Variants in RIGI observed in about 807,000 individuals in gnomAD.
The protein encoded by RIGI is antiviral innate immune response receptor RIG-I.
the RIGI span, chr9:32,492,392 T>A: frequency 6.2e-7 from 1 of 1,614,108 alleles, no homozygotes. Flanking sequence ...GTGTCTTACC[T>A]TTCTCTACAA....
At chr9:32,477,991 A>C in the RIGI span, among the ~76,000 whole-genome samples, 1 of 152,138 alleles carries the variant, frequency 6.6e-6, no homozygotes, top group Non-Finnish European at 1.5e-5. Flanking sequence ...GCCAGATCAT[A>C]CCGGACTATG....
At chr9:32,488,326 T>A in the RIGI span, 1 of 1,049,826 alleles carries the variant, frequency 9.5e-7, no homozygotes. Context: ...AGAATAGCTG[T>A]AGGCAAGTCC....
the RIGI span, chr9:32,467,800 T>G: frequency 2.4e-5 from 39 of 1,605,382 alleles, no homozygotes; most frequent in Non-Finnish European, 3.2e-5. Flanking sequence ...GCCCACATAC[T>G]CATAAAGGAT....
At chr9:32,499,216 T>C in the RIGI span, among the ~76,000 whole-genome samples, 1 of 136,614 alleles carries the variant, frequency 7.3e-6, no homozygotes, top group African/African-American at 2.7e-5. Flanking sequence ...GTTTTCTTTC[T>C]TTTTCCAGTT....
At chr9:32,471,110 T>G in the RIGI span, among the ~76,000 whole-genome samples, 1 of 152,200 alleles carries the variant, frequency 6.6e-6, no homozygotes, top group Non-Finnish European at 1.5e-5. Context: ...ATACAAAAAT[T>G]AGCTGGGCAT....
chr9:32,455,832 ACAGTT>A, the RIGI span: 3 of 152,186 alleles, frequency 2.0e-5, no homozygotes, highest in Non-Finnish European at 4.4e-5. Context: ...ACTAACCCTT[ACAGTT>A]CAGTATTATC....
chr9:32,493,735 A>C, the RIGI span: 1 of 1,424,902 alleles, frequency 7.0e-7, no homozygotes, highest in African/African-American at 1.5e-5. Flanking sequence ...TATTTCCCCC[A>C]ATTTTAGTAT....
chr9:32,479,694 G>C, the RIGI span, among the ~76,000 whole-genome samples: 1 of 151,840 alleles, frequency 6.6e-6, no homozygotes, highest in Non-Finnish European at 1.5e-5. Flanking sequence ...AAAATTAGCC[G>C]GGTGTGGTGG....
chr9:32,460,765 T>C, the RIGI span, among the ~76,000 whole-genome samples: 5 of 145,162 alleles, frequency 3.4e-5, no homozygotes, highest in Admixed American at 6.8e-5. Flanking sequence ...AACAAAAAAA[T>C]ACACTGGGGA....
At chr9:32,459,310 C>G in the RIGI span, 1 of 1,553,388 alleles carries the variant, frequency 6.4e-7, no homozygotes, top group Non-Finnish European at 8.7e-7. Context: ...AATATTTCAC[C>G]AACAGTAAGC....
At chr9:32,494,595 G>A in the RIGI span, among the ~76,000 whole-genome samples, 22 of 151,832 alleles carry the variant, frequency 1.4e-4, no homozygotes, top group Non-Finnish European at 2.6e-4. Context: ...CAGTTCAGTC[G>A]TGTTAAATTC....
chr9:32,467,515 A>G, the RIGI span, among the ~76,000 whole-genome samples: 1 of 152,222 alleles, frequency 6.6e-6, no homozygotes, highest in Non-Finnish European at 1.5e-5. Context: ...CCAAGTTGGA[A>G]TTATTCTTCC....
chr9:32,524,455 G>C, the RIGI span, among the ~76,000 whole-genome samples: 1 of 152,046 alleles, frequency 6.6e-6, no homozygotes. Context: ...CTTTCTTTTA[G>C]TTTTGTAGAG....
the RIGI span, among the ~76,000 whole-genome samples, chr9:32,508,592 G>C: frequency 6.6e-6 from 1 of 152,130 alleles, no homozygotes; most frequent in Non-Finnish European, 1.5e-5. Context: ...TTCCCCCCAA[G>C]TCTTCGCAAC....
chr9:32,514,492 G>A, the RIGI span, among the ~76,000 whole-genome samples: 10 of 152,200 alleles, frequency 6.6e-5, no homozygotes, highest in East Asian at 5.8e-4. Context: ...ACCTAACACC[G>A]TATGTTCTCA....
At chr9:32,508,258 T>TTTTTTTTTTTTTTTTTTTTTC in the RIGI span, among the ~76,000 whole-genome samples, 1 of 137,998 alleles carries the variant, frequency 7.2e-6, no homozygotes, top group Non-Finnish European at 1.5e-5. Context: ...TTTTTTTTTT[T>TTTTTTTTTTTTTTTTTTTTTC]ACTATATGAA....
At chr9:32,456,151 A>C in the RIGI span, 24 of 152,226 alleles carry the variant, frequency 1.6e-4, no homozygotes, top group Non-Finnish European at 2.6e-4. Context: ...GGGATCTGAG[A>C]ACAGACATTC....
At chr9:32,482,187 TTGTGTGTGTG>T in the RIGI span, among the ~76,000 whole-genome samples, 3 of 144,958 alleles carry the variant, frequency 2.1e-5, no homozygotes, top group Non-Finnish European at 4.6e-5. Context: ...GTGTGTTTGT[TTGTGTGTGTG>T]TGTGTGTGTG....
At chr9:32,456,084 A>G in the RIGI span, 1 of 152,200 alleles carries the variant, frequency 6.6e-6, no homozygotes. Flanking sequence ...ATTTGGATAC[A>G]TATTCTAATC....
Sources: gnomAD v4.1 joint callset for allele counts (sites outside exome capture counted in the v4.1 genomes callset) on GRCh38, gnomAD v4.1.1 for gene constraint, MANE v1.5 for transcripts, NCBI Gene and HGNC (gene_info 2026-07-23, HGNC 2026-07-21) for gene names.